SMARCC1: variants seen among roughly 807,000 people sequenced by gnomAD.
SMARCC1 encodes the protein SWI/SNF related BAF chromatin remodeling complex subunit C1.
In SMARCC1, 43 loss-of-function variants were observed where a neutral mutation model predicts 147.4. The observed-to-expected ratio is 0.29, with a 90% CI of 0.23 to 0.38. The LOEUF (loss-of-function observed/expected upper bound fraction) is 0.38. Among genes scored for constraint, SMARCC1 ranks in the 10% least tolerant of loss-of-function variants. The probability of loss-of-function intolerance (pLI) is 1.00; values close to 1 mark genes in which losing one functional copy is unlikely to be tolerated. For synonymous variants in SMARCC1, 495 were observed against 484.4 expected (o/e 1.02, Z -0.29); for missense variants, 1,119 against 1,381.1 (o/e 0.81, Z 3.01).
At chr3:47,711,310 A>ACCTC (rs1408600902) in intron 8 of SMARCC1, among the ~76,000 whole-genome samples, 1 of 152,032 alleles carries the variant, frequency 6.6e-6, no homozygotes, top group African/African-American at 2.4e-5. Context: ...TTATATGGCC[A>ACCTC]CCTCCCTTGT....
chr3:47,619,728 GGAGT>G (rs1344978661), intron 25 of SMARCC1, among the ~76,000 whole-genome samples: 1 of 152,214 alleles, frequency 6.6e-6, no homozygotes, highest in Non-Finnish European at 1.5e-5. Flanking sequence ...TGTACAGCAT[GGAGT>G]GAGAAGCACA....
intron 11 of SMARCC1, among the ~76,000 whole-genome samples, chr3:47,699,205 A>G (rs1252647537): frequency 1.3e-5 from 2 of 152,204 alleles, no homozygotes; most frequent in Non-Finnish European, 2.9e-5. Flanking sequence ...TGAAAATCCA[A>G]GCAACTGTGA....
chr3:47,772,939 G>T lies in SMARCC1; in HGVS notation c.196-3C>A. On this transcript the variant is annotated splice_polypyrimidine_tract_variant and splice_region_variant and intron_variant, in intron 1 of 27. Coordinates refer to ENST00000254480, the MANE Select transcript of SMARCC1 (RefSeq NM_003074.4). ...GTAGGAGCATCCGCATGAACATACT[G>T]CAAGATAAAGACAGGCATTCAAAAA... 1 of 1,609,932 alleles carries T rather than the reference G, an allele frequency of 6.2e-7. No individual in the cohort carries two copies. Among genetic ancestry groups the T allele is most frequent in the Non-Finnish European group, 8.5e-7 (1 of 1,177,782 alleles).
intron 24 of SMARCC1, among the ~76,000 whole-genome samples, chr3:47,631,639 G>A (rs2032892723): frequency 1.3e-5 from 2 of 152,118 alleles, no homozygotes; most frequent in African/African-American, 4.8e-5. Flanking sequence ...CCTTTCAGGG[G>A]ACAATAACAG....
chr3:47,772,126 G>A (rs867957271), intron 2 of SMARCC1, among the ~76,000 whole-genome samples: 3 of 152,022 alleles, frequency 2.0e-5, no homozygotes, highest in South Asian at 2.1e-4. Context: ...GTGGTGGCTC[G>A]CACCAGTAAT....
intron 11 of SMARCC1, among the ~76,000 whole-genome samples, chr3:47,698,182 A>T (rs903414965): frequency 6.6e-6 from 1 of 151,838 alleles, no homozygotes; most frequent in Admixed American, 6.6e-5. Context: ...CACTACAAAA[A>T]TCTTACAATT....
chr3:47,662,247 A>G (rs2106736626), intron 20 of SMARCC1, 87 bp downstream of exon 20: 2 of 1,104,230 alleles, frequency 1.8e-6, no homozygotes, highest in Non-Finnish European at 2.6e-6. Flanking sequence ...TATTTACATT[A>G]AAAGAAATGA....
intron 14 of SMARCC1, among the ~76,000 whole-genome samples, chr3:47,683,183 C>A (rs1330804553): frequency 6.6e-6 from 1 of 152,142 alleles, no homozygotes; most frequent in Non-Finnish European, 1.5e-5. Context: ...GCTGGGAATA[C>A]ACGCGCCCGC....
intron 18 of SMARCC1, among the ~76,000 whole-genome samples, chr3:47,671,812 T>C (rs565320980): frequency 6.6e-6 from 1 of 152,304 alleles, no homozygotes; most frequent in African/African-American, 2.4e-5. Flanking sequence ...GATTACCATT[T>C]AATAAATAAA....
chr3:47,662,058 G>A (rs527273741), intron 20 of SMARCC1, among the ~76,000 whole-genome samples: 17 of 150,868 alleles, frequency 1.1e-4, no homozygotes, highest in Non-Finnish European at 2.2e-4. Flanking sequence ...GCAGTGGCAC[G>A]ATCTCGGCTC....
intron 11 of SMARCC1, among the ~76,000 whole-genome samples, chr3:47,699,875 C>A (rs1431896682): frequency 6.6e-6 from 1 of 151,864 alleles, no homozygotes; most frequent in Non-Finnish European, 1.5e-5. Flanking sequence ...ACAAATTTCT[C>A]AATAATGAAA....
intron 21 of SMARCC1, among the ~76,000 whole-genome samples, chr3:47,652,949 CTTTTT>C (rs55872948): frequency 7.7e-6 from 1 of 129,672 alleles, no homozygotes. Flanking sequence ...GCTTTACTTT[CTTTTT>C]TTTTTTTTTT....
chr3:47,644,234 A>T (rs1386513869), intron 21 of SMARCC1, among the ~76,000 whole-genome samples: 1 of 152,162 alleles, frequency 6.6e-6, no homozygotes, highest in Admixed American at 6.5e-5. Context: ...AATGCCCAGT[A>T]CTTTCGGAGG....
At position 47,655,989 on chromosome 3, in the gene SMARCC1, G is replaced by A. The variant is rs80154323; in HGVS notation, c.2320+5305C>T. 1.1e-4 allele frequency among the ~76,000 whole-genome samples: 17 copies of A among 152,166 alleles called. No homozygotes were observed. The East Asian group carries it at 3.3e-3, about 30-fold the overall frequency. ...GCACTTTGGGAGGCCGAGACGGGCG[G>A]ATCACAAGGTCAGGAGTTCGAGACC... is the stretch of plus-strand genomic sequence containing the variant. On this transcript the variant is annotated intron_variant, in intron 21 of 27. Coordinates refer to ENST00000254480, the MANE Select transcript of SMARCC1 (RefSeq NM_003074.4).
rs1231598123 is a variant in SMARCC1 at position 47,593,440 on chromosome 3, G to A, written c.3044-2603C>T. On this transcript the variant is annotated intron_variant, in intron 26 of 27. Coordinates refer to ENST00000254480, the MANE Select transcript of SMARCC1 (RefSeq NM_003074.4). ...GCCCGCCTCGGCCGCCCAAAGTGCT[G>A]GGATTACAGGCGTGAGCCACCGCGC... Among the ~76,000 whole-genome samples the A allele has an allele frequency of 2.0e-5, 3 of 152,204 alleles. No homozygotes were observed. The East Asian group carries it at 5.8e-4, about 29-fold the overall frequency.
chr3:47,678,504 G>A, intron 15 of SMARCC1, 193 bp from the exon 16 acceptor site: 1 of 410,280 alleles, frequency 2.4e-6, no homozygotes, highest in Non-Finnish European at 4.3e-6. Context: ...CAAAACAACT[G>A]TTTATTAATG....
chr3:47,617,508 CG>C (rs2032661314), intron 25 of SMARCC1, among the ~76,000 whole-genome samples: 1 of 152,180 alleles, frequency 6.6e-6, no homozygotes, highest in African/African-American at 2.4e-5. Context: ...GTTTGCATAA[CG>C]GGAGGCATAT....
chr3:47,653,068 T>C (rs762690413), intron 21 of SMARCC1, among the ~76,000 whole-genome samples: 68 of 151,114 alleles, frequency 4.5e-4, no homozygotes, highest in Non-Finnish European at 8.1e-4. Context: ...GCCATTCTCC[T>C]GGCCTCAGCC....
At chr3:47,720,324 T>G (rs2034215980) in intron 7 of SMARCC1, among the ~76,000 whole-genome samples, 1 of 149,568 alleles carries the variant, frequency 6.7e-6, no homozygotes, top group African/African-American at 2.5e-5. Context: ...GGGGTTTCAC[T>G]ATGTTGACCA....
Sources: gnomAD v4.1 joint callset for allele counts (sites outside exome capture counted in the v4.1 genomes callset) on GRCh38, gnomAD v4.1.1 for gene constraint, MANE v1.5 for transcripts, NCBI Gene and HGNC (gene_info 2026-07-23, HGNC 2026-07-21) for gene names.